The following ANAPC1 variants were observed in gnomAD, a reference collection of about 807,000 sequenced individuals.
ANAPC1 encodes the protein anaphase promoting complex subunit 1, also known as anaphase-promoting complex subunit 1.
Under a neutral mutation model 208.0 loss-of-function variants are expected in ANAPC1, and 36 were observed. The ratio of observed to expected loss-of-function variants is 0.17; its 90% CI spans 0.13 to 0.23. ANAPC1 has a LOEUF of 0.23. ANAPC1 is among the 10% of genes least tolerant of loss of function. The probability of loss-of-function intolerance (pLI) is 1.00; values close to 1 mark genes in which losing one functional copy is unlikely to be tolerated. For synonymous variants in ANAPC1, 378 were observed against 695.2 expected, an observed-to-expected ratio of 0.54 and a Z score of 7.18; for missense variants, 942 against 2,011.6, an observed-to-expected ratio of 0.47 and a Z score of 10.17.
At chr2:111,843,059 A>T (rs1680854266) in intron 17 of ANAPC1, among the ~76,000 whole-genome samples, 1 of 152,250 alleles carries the variant, frequency 6.6e-6, no homozygotes, top group Admixed American at 6.5e-5. Flanking sequence ...GTCTAGTCAT[A>T]GTTGTTAAAA....
intron 34 of ANAPC1, 190 bp from the exon 35 acceptor site, chr2:111,795,084 A>G (rs935057536): frequency 2.7e-5 from 12 of 446,882 alleles, no homozygotes; most frequent in Non-Finnish European, 3.8e-5. Flanking sequence ...AGATGGGCTA[A>G]GTAAGAATAA....
chr2:111,850,954 A>C (rs753439098), intron 13 of ANAPC1, 44 bp from the exon 14 acceptor site: 1 of 1,580,186 alleles, frequency 6.3e-7, no homozygotes, highest in South Asian at 1.2e-5. Context: ...ATTGCCTTTA[A>C]TGCATCATAT....
chr2:111,847,025 G>C (rs561422626), intron 16 of ANAPC1, 113 bp downstream of exon 16: 2 of 825,590 alleles, frequency 2.4e-6, no homozygotes, highest in African/African-American at 3.4e-5. Context: ...CCTCTACAAA[G>C]CTAAGAACTT....
In ANAPC1 at chr2:111,805,811, G is replaced by A. The variant is rs1366678629; in HGVS notation, c.3915C>T (p.Val1305=). ...CATAGGCTATGCTTACCCCCAAGCA[G>A]ACCATGCCCAGGGCCAAGCCAGCAG... is the stretch of plus-strand genomic sequence containing the variant. The part of the protein sequence containing the change: ...SLAAGLALGM[V]CLGHGSNLIG... Residue 1305 remains valine (V), a synonymous_variant, in exon 30 of 48, where the codon GTC becomes GTT. Transcript: ENST00000341068. 1 of 366,122 alleles carries A rather than the reference G, an allele frequency of 2.7e-6. No homozygotes were observed. The highest frequency in any genetic ancestry group is 4.4e-5 in the East Asian group (1 of 22,928). The allele number at this position is 366,122 out of a possible 1,614,324, so 22.7% of individuals were successfully genotyped here. A position where few individuals can be genotyped will look rare whatever the true frequency, so the allele number is the denominator to read the frequency against.
At position 111,792,522 on chromosome 2, in the gene ANAPC1, C is replaced by T. The variant is rs370295733; in HGVS notation, c.4552G>A (p.Val1518Met). ...GPHNLETCLS[V>M]VLLSLAMVMA... Reference sequence around the variant, plus strand: ...ACCATGGCGAGAGACAGCAGCACCACGCTCAGACAAGTTTCTAGGTTATGA... The same window carrying T: ...ACCATGGCGAGAGACAGCAGCACCATGCTCAGACAAGTTTCTAGGTTATGA... Residue 1518 changes from valine (V) to methionine (M), a missense_variant, in exon 38 of 48, where the codon GTG becomes ATG. Val to Met is a conservative substitution (Grantham distance 21). Coordinates refer to ENST00000341068, the MANE Select transcript of ANAPC1 (RefSeq NM_022662.4). 29 of 1,613,924 alleles carry T rather than the reference C, an allele frequency of 1.8e-5. No individual in the cohort carries two copies. The highest frequency in any genetic ancestry group is 3.3e-4 in the Middle Eastern group (2 of 6,054).
chr2:111,860,276 C>A (rs1319838586), intron 10 of ANAPC1, among the ~76,000 whole-genome samples: 2 of 151,408 alleles, frequency 1.3e-5, no homozygotes, highest in African/African-American at 4.9e-5. Context: ...GTACTCCAAC[C>A]TGGGTGACAG....
intron 9 of ANAPC1, 109 bp from the exon 10 acceptor site, chr2:111,862,707 G>A (rs550323229): frequency 6.3e-6 from 9 of 1,420,020 alleles, no homozygotes; most frequent in South Asian, 1.5e-5. Context: ...AGCATTCATG[G>A]CATAATCCAG....
intron 44 of ANAPC1, chr2:111,779,902 A>C (rs1677191036): frequency 4.2e-6 from 1 of 238,158 alleles, no homozygotes. Flanking sequence ...TGGAATCTTG[A>C]AGGTAACAGG....
At chr2:111,802,534 C>CTT in intron 32 of ANAPC1, 28 bp from the exon 33 acceptor site, 1 of 608,996 alleles carries the variant, frequency 1.6e-6, no homozygotes, top group Non-Finnish European at 3.0e-6. Context: ...CAGTAAGGCA[C>CTT]ACTGTTCAAG....
At chr2:111,842,560 G>A (rs1283456586) in intron 17 of ANAPC1, among the ~76,000 whole-genome samples, 13 of 150,904 alleles carry the variant, frequency 8.6e-5, no homozygotes, top group African/African-American at 2.7e-4. Flanking sequence ...GGAAAATGGC[G>A]TGAACCCAGG....
At chr2:111,824,118 G>A (rs1679696856) in intron 24 of ANAPC1, among the ~76,000 whole-genome samples, 1 of 149,368 alleles carries the variant, frequency 6.7e-6, no homozygotes, top group African/African-American at 2.5e-5. Context: ...TTCCTTATAT[G>A]AGAATAACAC....
At position 111,862,513 on chromosome 2, in the gene ANAPC1, T is replaced by C; in HGVS notation, c.1138A>G (p.Arg380Gly). The stretch of plus-strand genomic sequence containing the variant: ...TTTGGAGAATGAGAAATACTATGTC[T>C]CTTTGGAGACTGATTATGGCTTGAA... ...NISSHNQSPK[R>G]HSISHSPNSN... The change falls in exon 10 of 48, where the codon AGA becomes GGA. Residue 380 changes from arginine to glycine, a missense_variant. Coordinates refer to ENST00000341068, the MANE Select transcript of ANAPC1 (RefSeq NM_022662.4). 6.2e-7 allele frequency: 1 copy of C among 1,611,604 alleles called. No homozygotes were observed. The highest frequency in any genetic ancestry group is 8.5e-7 in the Non-Finnish European group (1 of 1,179,562).
In ANAPC1 at chr2:111,838,486, A is replaced by G. The variant is rs749505469; in HGVS notation, c.2067T>C (p.Pro689=). Residue 689 remains proline (P), a synonymous_variant, in exon 18 of 48, where the codon CCT becomes CCC. Transcript: ENST00000341068. ...RNFDFEGSLS[P]VIAPKKARPS... is the part of the protein sequence containing the mutation. ...GCCTTGCTTTTTTGGGCGCAATGAC[A>G]GGAGAAAGTGATCCTTCAAAGTCAA... is the stretch of plus-strand genomic sequence containing the variant. The G allele has an allele frequency of 2.5e-6, 4 of 1,607,498 alleles. No homozygotes were observed. The East Asian group carries it at 9.0e-5, about 36-fold the overall frequency.
At chr2:111,877,359 T>A (rs1034194006) in intron 3 of ANAPC1, among the ~76,000 whole-genome samples, 9 of 152,204 alleles carry the variant, frequency 5.9e-5, no homozygotes, top group Admixed American at 5.2e-4. Context: ...CACCTTTTTT[T>A]CTTTCTCCGT....
At chr2:111,782,791 C>A (rs1677355472) in intron 42 of ANAPC1, among the ~76,000 whole-genome samples, 1 of 152,170 alleles carries the variant, frequency 6.6e-6, no homozygotes, top group Non-Finnish European at 1.5e-5. Context: ...TCTAACATTT[C>A]TTTGTATTCC....
intron 3 of ANAPC1, among the ~76,000 whole-genome samples, chr2:111,875,662 T>C (rs1220841762): frequency 6.6e-6 from 1 of 152,226 alleles, no homozygotes; most frequent in Non-Finnish European, 1.5e-5. Context: ...GCTTCCATTT[T>C]AAAATCCTTG....
At chr2:111,830,926 T>G (rs1192620051) in intron 21 of ANAPC1, among the ~76,000 whole-genome samples, 1 of 152,228 alleles carries the variant, frequency 6.6e-6, no homozygotes, top group Non-Finnish European at 1.5e-5. Flanking sequence ...TATGTTCACA[T>G]AAAACGCTAA....
chr2:111,819,995 T>A (rs1679434064), intron 26 of ANAPC1, among the ~76,000 whole-genome samples: 1 of 152,074 alleles, frequency 6.6e-6, no homozygotes. Flanking sequence ...CACTTCAACT[T>A]TGCGCAAGTA....
intron 7 of ANAPC1, chr2:111,865,794 CAAG>C (rs1682371632): frequency 5.9e-6 from 1 of 168,936 alleles, no homozygotes; most frequent in Admixed American, 6.4e-5. Context: ...TCCGTGCCTC[CAAG>C]ATGACAAAGA....
Sources: allele counts gnomAD v4.1 joint callset (sites outside exome capture counted in the v4.1 genomes callset), GRCh38; gene constraint gnomAD v4.1.1; transcripts MANE v1.5; gene names NCBI Gene and HGNC (gene_info 2026-07-23, HGNC 2026-07-21).